The following WDR20 variants were observed in gnomAD, a reference collection of about 807,000 sequenced individuals.
The protein encoded by WDR20 is WD repeat-containing protein 20.
In WDR20, 3 loss-of-function variants were observed where a neutral mutation model predicts 38.7. The ratio of observed to expected loss-of-function variants is 0.08; its 90% CI spans 0.04 to 0.20. The LOEUF is 0.20. WDR20 is among the 10% of genes least tolerant of loss of function. The probability of loss-of-function intolerance (pLI) is 1.00; values close to 1 mark genes in which losing one functional copy is unlikely to be tolerated. For synonymous variants in WDR20, 298 were observed against 285.6 expected, an observed-to-expected ratio of 1.04 and a Z score of -0.44; for missense variants, 559 against 727.7, an observed-to-expected ratio of 0.77 and a Z score of 2.67.
intron 1 of WDR20, among the ~76,000 whole-genome samples, chr14:102,147,674 T>TCAAGC (rs2054131311): frequency 6.6e-6 from 1 of 151,640 alleles, no homozygotes; most frequent in African/African-American, 2.4e-5. Flanking sequence ...ACATGGTGGA[T>TCAAGC]TTTGTCACTG....
intron 1 of WDR20, among the ~76,000 whole-genome samples, chr14:102,174,528 T>C (rs577946633): frequency 1.3e-5 from 2 of 152,326 alleles, no homozygotes; most frequent in East Asian, 3.9e-4. Context: ...CAAGCGATTC[T>C]CCTGTCTCAG....
intron 1 of WDR20, among the ~76,000 whole-genome samples, chr14:102,176,071 G>A (rs2061990001): frequency 1.3e-5 from 2 of 152,252 alleles, no homozygotes; most frequent in Non-Finnish European, 2.9e-5. Flanking sequence ...GATTGCTCTA[G>A]CTAGGACTTC....
At chr14:102,196,174 C>T (rs995493325) in intron 2 of WDR20, among the ~76,000 whole-genome samples, 1 of 152,130 alleles carries the variant, frequency 6.6e-6, no homozygotes, top group Non-Finnish European at 1.5e-5. Context: ...AGTATCCACC[C>T]AGGGTGCTCC....
In WDR20 at chr14:102,222,984, C is replaced by A; in HGVS notation, c.*101C>A. 1 of 1,466,298 alleles carries A rather than the reference C, an allele frequency of 6.8e-7. No individual in the cohort carries two copies. Among genetic ancestry groups the A allele is most frequent in the Non-Finnish European group, 9.5e-7 (1 of 1,053,368 alleles). 90.8% of individuals were successfully genotyped at this position (1,466,298 alleles called of 1,614,324 possible). A position where few individuals can be genotyped will look rare whatever the true frequency, so the allele number is the denominator to read the frequency against. On this transcript the variant is annotated 3_prime_UTR_variant, in exon 4 of 4. Coordinates refer to the WDR20 transcript ENST00000335263. The surrounding 1 kb of genome is among the most constrained non-coding windows in gnomAD (Gnocchi z 4.4). ...CTGAGCCGTGCCAGCCGGCGGACCT[C>A]AGGCGGTGGACGTCGGCGATAGCCG...
At chr14:102,213,439 G>A, downstream of WDR20, 1 of 985,460 alleles carries the variant, frequency 1.0e-6, no homozygotes, top group South Asian at 4.7e-5. Flanking sequence ...GTGTTTTCCT[G>A]TGAACCCTTA....
downstream of WDR20, chr14:102,224,835 C>G: frequency 4.4e-6 from 2 of 455,550 alleles, no homozygotes; most frequent in South Asian, 3.1e-5. Context: ...ACTTGCTGTT[C>G]TAAATGAAAG....
chr14:102,197,162 G>C (rs1487760307), intron 2 of WDR20, among the ~76,000 whole-genome samples: 1 of 152,188 alleles, frequency 6.6e-6, no homozygotes, highest in African/African-American at 2.4e-5. Context: ...AATAGTCAAA[G>C]AGCACATAAG....
At chr14:102,162,571 TTTTCTCTCTCTCTC>T (rs1407609241) in intron 1 of WDR20, among the ~76,000 whole-genome samples, 1 of 149,308 alleles carries the variant, frequency 6.7e-6, no homozygotes, top group African/African-American at 2.6e-5. Context: ...CTTTCTTTCT[TTTTCTCTCTCTCTC>T]TTTCTTTCTT....
chr14:102,160,069 A>G (rs975568535), intron 1 of WDR20, among the ~76,000 whole-genome samples: 73 of 152,142 alleles, frequency 4.8e-4, no homozygotes, highest in African/African-American at 1.7e-3. Context: ...ATACCACTGC[A>G]CTCCACCCTG....
intron 1 of WDR20, among the ~76,000 whole-genome samples, chr14:102,160,947 CAAAAAAAAAA>C (rs57488628): frequency 3.7e-5 from 2 of 54,626 alleles, no homozygotes; most frequent in East Asian, 1.1e-3. Flanking sequence ...GACTCTGTCT[CAAAAAAAAAA>C]AAAAAAAAAA....
downstream of WDR20, chr14:102,214,221 C>T (rs2062926199): frequency 1.0e-6 from 1 of 985,576 alleles, no homozygotes; most frequent in Non-Finnish European, 1.2e-6. Flanking sequence ...TTATAGTCTA[C>T]CACCCTGGCA....
chr14:102,198,066 C>T, intron 2 of WDR20: 2 of 395,984 alleles, frequency 5.1e-6, no homozygotes, highest in Non-Finnish European at 4.5e-6. Context: ...AGAGAGCAGG[C>T]CCAAGAAAGG....
chr14:102,212,697 G>C, downstream of WDR20: 1 of 1,491,776 alleles, frequency 6.7e-7, no homozygotes, highest in Non-Finnish European at 8.9e-7. Flanking sequence ...CCTGGGGAGG[G>C]GTGGCCGCGG....
chr14:102,184,587 A>T (rs2064144171), intron 1 of WDR20, among the ~76,000 whole-genome samples: 1 of 152,074 alleles, frequency 6.6e-6, no homozygotes, highest in Admixed American at 6.6e-5. Flanking sequence ...GCAGAGCTCC[A>T]AAGGAGGGGC....
At chr14:102,174,489 G>C (rs1458226055) in intron 1 of WDR20, among the ~76,000 whole-genome samples, 1 of 152,016 alleles carries the variant, frequency 6.6e-6, no homozygotes, top group Non-Finnish European at 1.5e-5. Flanking sequence ...GCACAATCTC[G>C]GCTCACTGCA....
chr14:102,201,105 A>G (rs1051840921), intron 2 of WDR20, among the ~76,000 whole-genome samples: 3 of 152,252 alleles, frequency 2.0e-5, no homozygotes, highest in Admixed American at 6.5e-5. Flanking sequence ...GCTTGAACAC[A>G]GATAAAACGA....
chr14:102,215,133 G>A (rs1000492104), downstream of WDR20: 13 of 353,192 alleles, frequency 3.7e-5, no homozygotes, highest in South Asian at 9.2e-4. Context: ...GCCAGCCACC[G>A]GAATTGCTCC....
chr14:102,202,509 A>G (rs1027572355), intron 2 of WDR20, among the ~76,000 whole-genome samples: 5 of 149,400 alleles, frequency 3.3e-5, no homozygotes, highest in African/African-American at 7.4e-5. Flanking sequence ...CCACCTGAGT[A>G]GCTGGGACTA....
At position 102,222,831 on chromosome 14, in the gene WDR20, G is replaced by A. The variant is rs752072453; in HGVS notation, c.1694G>A (p.Gly565Asp). The stretch of plus-strand genomic sequence containing the variant: ...TAATGTAGACTGCTTTGTTTGCAGG[G>A]CTCATTGTCATCCCCAAGCCAGGCC... The change falls in exon 4 of 4, where the codon GGC (glycine) becomes GAC (aspartate). Residue 565 changes from glycine to aspartate, a missense_variant and splice_region_variant. Physicochemically the swap from Gly to Asp is moderately conservative, Grantham distance 94 (BLOSUM62 -1). Transcript: ENST00000335263. The surrounding 1 kb of genome is among the most constrained non-coding windows in gnomAD (Gnocchi z 4.4). 9 of 1,614,072 alleles carry A rather than the reference G, an allele frequency of 5.6e-6. No individual in the cohort carries two copies. Among genetic ancestry groups the A allele is most frequent in the African/African-American group, 1.3e-5 (1 of 74,938 alleles).
Sources: gnomAD v4.1 joint callset for allele counts (sites outside exome capture counted in the v4.1 genomes callset) on GRCh38, gnomAD v4.1.1 for gene constraint, Gnocchi (gnomAD v3.1) non-coding constraint, MANE v1.5 for transcripts, NCBI Gene and HGNC (gene_info 2026-07-23, HGNC 2026-07-21) for gene names.